Variants in ZFP1 observed in about 807,000 individuals in gnomAD.
ZFP1 encodes zinc finger protein 1 homolog.
ZFP1 carries 32 observed loss-of-function variants against 38.5 expected under a neutral mutation model. That is an observed-to-expected ratio of 0.83 (90% confidence interval 0.63 to 1.12). ZFP1 has a LOEUF of 1.12. Among genes scored for constraint, ZFP1 ranks in the 50% most tolerant of loss-of-function variants. The pLI is 0.00. For missense variants in ZFP1, 616 were observed against 480.8 expected, an observed-to-expected ratio of 1.28 and a Z score of -2.63; for synonymous variants, 245 against 168.8, an observed-to-expected ratio of 1.45 and a Z score of -3.50.
chr16:75,143,324 C>T, the ZFP1 span, among the ~76,000 whole-genome samples: 1 of 152,012 alleles, frequency 6.6e-6, no homozygotes, highest in African/African-American at 2.4e-5. Flanking sequence ...TCACTGCCAC[C>T]TCCGCCCCTC....
chr16:75,172,216 A>C lies in ZFP1; in HGVS notation c.*1882A>C, dbSNP rs1381220461. 1 of 152,226 alleles carries C rather than the reference A, an allele frequency of 6.6e-6. No individual in the cohort carries two copies. The highest frequency in any genetic ancestry group is 1.5e-5 in the Non-Finnish European group (1 of 68,034). 9.4% of individuals were successfully genotyped at this position (152,226 alleles called of 1,614,324 possible). ...GTGTGTGTGTAGCAGTTTTTATAAA[A>C]TAAAGATAAACCCTTATATATGTGT... is the stretch of plus-strand genomic sequence containing the variant. On this transcript the variant is annotated 3_prime_UTR_variant, in exon 4 of 4. Coordinates refer to ENST00000570010, the MANE Select transcript of ZFP1 (RefSeq NM_153688.4).
At chr16:75,120,095 A>C in the ZFP1 span, among the ~76,000 whole-genome samples, 1 of 152,210 alleles carries the variant, frequency 6.6e-6, no homozygotes, top group African/African-American at 2.4e-5. Context: ...CAATGATTAA[A>C]AGTCAGCTTA....
At chr16:75,168,828 A>T (rs1039774707) in intron 3 of ZFP1, among the ~76,000 whole-genome samples, 2 of 152,202 alleles carry the variant, frequency 1.3e-5, no homozygotes, top group African/African-American at 2.4e-5. Context: ...TAATACTATT[A>T]GTCGAGATCT....
the ZFP1 span, among the ~76,000 whole-genome samples, chr16:75,136,254 A>C: frequency 1.3e-5 from 2 of 152,260 alleles, no homozygotes; most frequent in African/African-American, 4.8e-5. Flanking sequence ...AAAGGCGCTG[A>C]CATAAGTAAC....
At chr16:75,132,178 A>G in the ZFP1 span, among the ~76,000 whole-genome samples, 1 of 152,108 alleles carries the variant, frequency 6.6e-6, no homozygotes, top group African/African-American at 2.4e-5. Flanking sequence ...ACTTGAGGTC[A>G]GAAGTTTGAG....
At chr16:75,131,943 C>T in the ZFP1 span, among the ~76,000 whole-genome samples, 9 of 150,178 alleles carry the variant, frequency 6.0e-5, no homozygotes, top group Non-Finnish European at 1.0e-4. Context: ...CCAGCCGGGA[C>T]GACAGAGTGA....
the ZFP1 span, among the ~76,000 whole-genome samples, chr16:75,141,033 T>C: frequency 6.6e-6 from 1 of 152,106 alleles, no homozygotes; most frequent in Non-Finnish European, 1.5e-5. Context: ...TTTTGAAACC[T>C]GGCAAGGAGA....
intron 3 of ZFP1, among the ~76,000 whole-genome samples, chr16:75,167,359 G>A (rs1386143389): frequency 6.6e-6 from 1 of 151,582 alleles, no homozygotes; most frequent in Non-Finnish European, 1.5e-5. Flanking sequence ...CTCAATCTCT[G>A]AAGCATACCT....
intron 2 of ZFP1, among the ~76,000 whole-genome samples, chr16:75,155,988 C>G (rs796235889): frequency 1.6e-4 from 24 of 152,152 alleles, no homozygotes; most frequent in African/African-American, 5.8e-4. Context: ...GGCCCTTTGC[C>G]AAGACTTAGG....
At chr16:75,130,811 T>G in the ZFP1 span, among the ~76,000 whole-genome samples, 3 of 151,604 alleles carry the variant, frequency 2.0e-5, no homozygotes, top group Non-Finnish European at 4.4e-5. Context: ...ATTTTACAGT[T>G]TGATTCTTTT....
the ZFP1 span, among the ~76,000 whole-genome samples, chr16:75,140,487 T>C: frequency 1.3e-5 from 2 of 152,194 alleles, no homozygotes; most frequent in African/African-American, 4.8e-5. Flanking sequence ...CCATCTGACA[T>C]GCTATATATT....
the ZFP1 span, among the ~76,000 whole-genome samples, chr16:75,128,676 G>T: frequency 2.6e-5 from 4 of 152,144 alleles, no homozygotes; most frequent in Non-Finnish European, 4.4e-5. Context: ...TGGAGTCACT[G>T]AAAACTAAGC....
chr16:75,142,150 G>A, the ZFP1 span, among the ~76,000 whole-genome samples: 1 of 148,324 alleles, frequency 6.7e-6, no homozygotes, highest in Non-Finnish European at 1.5e-5. Context: ...AAGGTCAAGA[G>A]ATCGACACCA....
intron 1 of ZFP1, chr16:75,148,862 A>G (rs8061188): frequency 0.79 from 120,035 of 152,236 alleles, 48,503 homozygotes; most frequent in Non-Finnish European, 0.87. Context: ...CGGCGGAGGG[A>G]AGGGCGGCTA....
At chr16:75,121,639 C>T in the ZFP1 span, among the ~76,000 whole-genome samples, 4 of 152,136 alleles carry the variant, frequency 2.6e-5, no homozygotes, top group Non-Finnish European at 5.9e-5. Flanking sequence ...ATAAGATGTA[C>T]TTCTATCAGC....
chr16:75,163,260 A>G (rs187486520), intron 2 of ZFP1, among the ~76,000 whole-genome samples: 5 of 151,694 alleles, frequency 3.3e-5, no homozygotes, highest in East Asian at 2.0e-4. Context: ...TACTGTCTCT[A>G]TCATATGAGG....
the ZFP1 span, among the ~76,000 whole-genome samples, chr16:75,129,384 G>A: frequency 0.13 from 19,575 of 152,184 alleles, 1,921 homozygotes; most frequent in East Asian, 0.54. Context: ...AAGGGGGAAT[G>A]TGAAGGAAAA....
intron 2 of ZFP1, among the ~76,000 whole-genome samples, chr16:75,156,459 A>AAAAAG (rs59284550): frequency 0.083 from 12,590 of 150,894 alleles, 929 homozygotes; most frequent in African/African-American, 0.19. Flanking sequence ...TCTGTCTCAG[A>AAAAAG]AAAAGAAAAG....
chr16:75,138,667 A>G, the ZFP1 span, among the ~76,000 whole-genome samples: 1 of 152,224 alleles, frequency 6.6e-6, no homozygotes, highest in African/African-American at 2.4e-5. Flanking sequence ...GAAGAGGTGA[A>G]GAGAAATGGA....
Sources: allele counts gnomAD v4.1 joint callset (sites outside exome capture counted in the v4.1 genomes callset), GRCh38; gene constraint gnomAD v4.1.1; transcripts MANE v1.5; gene names NCBI Gene and HGNC (gene_info 2026-07-23, HGNC 2026-07-21).